The following RBFOX1 variants were observed in gnomAD, a reference collection of about 807,000 sequenced individuals.
RBFOX1 encodes the protein RNA binding fox-1 homolog 1.
RBFOX1 carries 8 observed loss-of-function variants against 57.7 expected under a neutral mutation model. The ratio of observed to expected loss-of-function variants is 0.14; its 90% CI spans 0.08 to 0.25. The LOEUF (loss-of-function observed/expected upper bound fraction) is 0.25, where lower values mean the gene tolerates loss of function less well. RBFOX1 is among the 10% of genes least tolerant of loss of function. The pLI, the probability that RBFOX1 is intolerant of heterozygous loss-of-function variation, is 1.00. For synonymous variants in RBFOX1, 326 were observed against 222.4 expected, an observed-to-expected ratio of 1.47 and a Z score of -4.15; for missense variants, 611 against 548.5, an observed-to-expected ratio of 1.11 and a Z score of -1.14.
intron 4 of RBFOX1, among the ~76,000 whole-genome samples, chr16:7,421,924 C>G (rs756357590): frequency 6.6e-6 from 1 of 152,166 alleles, no homozygotes; most frequent in African/African-American, 2.4e-5. Context: ...GAAGTGTACA[C>G]ACATTATTTT....
intron 3 of RBFOX1, among the ~76,000 whole-genome samples, chr16:6,782,466 T>A (rs567554268): frequency 6.6e-6 from 1 of 152,280 alleles, no homozygotes; most frequent in African/African-American, 2.4e-5. Flanking sequence ...GAGTTCCTCT[T>A]ATTGATCTCT....
intron 2 of RBFOX1, among the ~76,000 whole-genome samples, chr16:6,474,481 T>C (rs755444574): frequency 6.6e-6 from 1 of 152,194 alleles, no homozygotes; most frequent in Non-Finnish European, 1.5e-5. Flanking sequence ...TTGATTTTAG[T>C]TTAAAAGGCA....
At chr16:7,659,391 A>C (rs759163793) in intron 12 of RBFOX1, among the ~76,000 whole-genome samples, 1 of 152,180 alleles carries the variant, frequency 6.6e-6, no homozygotes, top group Non-Finnish European at 1.5e-5. Flanking sequence ...CTAAATATCT[A>C]AATCCGCAAC....
At chr16:6,360,136 G>C (rs940272280) in intron 2 of RBFOX1, among the ~76,000 whole-genome samples, 4 of 151,790 alleles carry the variant, frequency 2.6e-5, no homozygotes, top group Non-Finnish European at 5.9e-5. Flanking sequence ...ATCTGTTCTT[G>C]TTTTCAATTA....
At chr16:7,709,447 CTTTTTTTTTTCT>C in intron 15 of RBFOX1, 1 of 1,309,536 alleles carries the variant, frequency 7.6e-7, no homozygotes, top group Non-Finnish European at 1.0e-6. Flanking sequence ...CAATGCAGAA[CTTTTTTTTTTCT>C]TTTTTTTTCC....
chr16:6,027,631 G>T (rs1367300697), intron 1 of RBFOX1, among the ~76,000 whole-genome samples: 1 of 152,226 alleles, frequency 6.6e-6, no homozygotes, highest in Non-Finnish European at 1.5e-5. Context: ...CCTAGTGTGT[G>T]TTTAGTGCAA....
At chr16:5,324,967 G>A (rs1204220849) in intron 1 of RBFOX1, among the ~76,000 whole-genome samples, 5 of 152,200 alleles carry the variant, frequency 3.3e-5, no homozygotes, top group African/African-American at 4.8e-5. Context: ...GTGATGGGCA[G>A]GTGTTCCCAG....
At chr16:6,707,059 C>T (rs2062877757) in intron 3 of RBFOX1, among the ~76,000 whole-genome samples, 1 of 152,182 alleles carries the variant, frequency 6.6e-6, no homozygotes, top group African/African-American at 2.4e-5. Context: ...TAACCACTGT[C>T]ATCATTTTGG....
At chr16:6,707,174 A>G (rs747267252) in intron 3 of RBFOX1, among the ~76,000 whole-genome samples, 12 of 152,146 alleles carry the variant, frequency 7.9e-5, no homozygotes, top group South Asian at 4.1e-4. Flanking sequence ...GGTGCATACT[A>G]TTTTGTTAAC....
intron 1 of RBFOX1, among the ~76,000 whole-genome samples, chr16:5,430,662 G>C (rs929279439): frequency 6.6e-6 from 1 of 152,256 alleles, no homozygotes; most frequent in Non-Finnish European, 1.5e-5. Context: ...GGCCAGCTCA[G>C]GGCCTGGTCA....
chr16:5,710,373 G>A (rs1047611852), intron 3 of RBFOX1, among the ~76,000 whole-genome samples: 4 of 152,162 alleles, frequency 2.6e-5, no homozygotes, highest in Non-Finnish European at 4.4e-5. Context: ...TCCTGCTAGT[G>A]CCATTGACAT....
At chr16:6,624,872 G>A (rs1399461805) in intron 2 of RBFOX1, among the ~76,000 whole-genome samples, 1 of 152,030 alleles carries the variant, frequency 6.6e-6, no homozygotes, top group East Asian at 1.9e-4. Context: ...TCTAAGAAAT[G>A]ACATTCTGGG....
chr16:6,613,254 C>A (rs150667647), intron 2 of RBFOX1, among the ~76,000 whole-genome samples: 1 of 152,008 alleles, frequency 6.6e-6, no homozygotes, highest in Non-Finnish European at 1.5e-5. Flanking sequence ...GCTTGGCTGT[C>A]ATCTTTGCTA....
At chr16:7,456,272 C>T (rs1440080819) in intron 4 of RBFOX1, among the ~76,000 whole-genome samples, 1 of 152,162 alleles carries the variant, frequency 6.6e-6, no homozygotes, top group Non-Finnish European at 1.5e-5. Flanking sequence ...GAGGGACCCC[C>T]CCTTATACAA....
intron 2 of RBFOX1, among the ~76,000 whole-genome samples, chr16:6,418,194 C>T (rs986327785): frequency 1.3e-5 from 2 of 152,066 alleles, no homozygotes; most frequent in African/African-American, 2.4e-5. Context: ...CCTATTTTAC[C>T]GAAGGGTAGC....
At chr16:5,929,695 C>A (rs1054509182) in intron 4 of RBFOX1, among the ~76,000 whole-genome samples, 1 of 152,044 alleles carries the variant, frequency 6.6e-6, no homozygotes, top group Non-Finnish European at 1.5e-5. Flanking sequence ...GAGTGATCAT[C>A]CCTGAGCATC....
At chr16:5,726,595 T>A (rs926105243) in intron 3 of RBFOX1, among the ~76,000 whole-genome samples, 1 of 152,188 alleles carries the variant, frequency 6.6e-6, no homozygotes, top group African/African-American at 2.4e-5. Context: ...CAGAAAGGAA[T>A]CTGCTGCTTC....
intron 1 of RBFOX1, among the ~76,000 whole-genome samples, chr16:6,274,956 C>T (rs947161065): frequency 6.6e-6 from 1 of 152,154 alleles, no homozygotes; most frequent in Non-Finnish European, 1.5e-5. Flanking sequence ...CAGAGTGAGA[C>T]ACTGATACCG....
At chr16:6,717,532 C>T (rs926455965) in intron 3 of RBFOX1, among the ~76,000 whole-genome samples, 2 of 151,706 alleles carry the variant, frequency 1.3e-5, no homozygotes. Context: ...AAAAATTGTG[C>T]ATAGTCAACC....
Sources: gnomAD v4.1 joint callset for allele counts (sites outside exome capture counted in the v4.1 genomes callset) on GRCh38, gnomAD v4.1.1 for gene constraint, MANE v1.5 for transcripts, NCBI Gene and HGNC (gene_info 2026-07-23, HGNC 2026-07-21) for gene names.